Variants in SHANK2 observed in about 807,000 individuals in gnomAD.
The protein encoded by SHANK2 is SH3 and multiple ankyrin repeat domains 2, also known as SH3 and multiple ankyrin repeat domains protein 2.
A neutral mutation model predicts 133.7 loss-of-function variants in SHANK2; 43 were observed. The ratio of observed to expected loss-of-function variants is 0.32; its 90% CI spans 0.25 to 0.41. SHANK2 has a LOEUF of 0.41. Ranked by LOEUF, SHANK2 falls within the 10% of genes least tolerant of loss-of-function variation. SHANK2 has a pLI of 1.00. For synonymous variants in SHANK2, 1,017 were observed against 952.8 expected (o/e 1.07, Z -1.24); for missense variants, 1,994 against 2,235.8 (o/e 0.89, Z 2.18).
At chr11:70,687,543 T>A (rs1413603546) in intron 15 of SHANK2, among the ~76,000 whole-genome samples, 1 of 133,848 alleles carries the variant, frequency 7.5e-6, no homozygotes, top group African/African-American at 2.8e-5. Flanking sequence ...ATGCTACCAA[T>A]CAAGGTGGAT....
chr11:71,125,510 A>T (rs1273257780), intron 3 of SHANK2, among the ~76,000 whole-genome samples: 1 of 152,136 alleles, frequency 6.6e-6, no homozygotes, highest in Non-Finnish European at 1.5e-5. Context: ...CAAGGCCCTG[A>T]CTCTCTTCAA....
At chr11:70,625,695 C>T (rs1346850590) in intron 17 of SHANK2, among the ~76,000 whole-genome samples, 1 of 151,636 alleles carries the variant, frequency 6.6e-6, no homozygotes, top group Non-Finnish European at 1.5e-5. Context: ...CCAGTCCCTG[C>T]ACTCTCCTCT....
At chr11:70,659,697 A>T in intron 17 of SHANK2, 131 bp downstream of exon 17, 2 of 1,134,820 alleles carry the variant, frequency 1.8e-6, no homozygotes, top group Non-Finnish European at 2.6e-6. Context: ...AAACTGACCA[A>T]TGAAAGTTCA....
chr11:70,816,554 G>T (rs1007231594), intron 12 of SHANK2, among the ~76,000 whole-genome samples: 1 of 152,230 alleles, frequency 6.6e-6, no homozygotes, highest in Non-Finnish European at 1.5e-5. Context: ...GCCCGTTAGT[G>T]CCACATGGCC....
At chr11:70,679,308 G>A (rs1253538384) in intron 15 of SHANK2, among the ~76,000 whole-genome samples, 2 of 152,216 alleles carry the variant, frequency 1.3e-5, no homozygotes, top group African/African-American at 2.4e-5. Context: ...CACACAGCTG[G>A]CAAATGGCGG....
At chr11:70,484,086 G>C (rs782723521) in intron 25 of SHANK2, among the ~76,000 whole-genome samples, 4 of 152,238 alleles carry the variant, frequency 2.6e-5, no homozygotes, top group Non-Finnish European at 4.4e-5. Flanking sequence ...GGGAGAGACT[G>C]AAGATGCTGC....
At chr11:71,067,237 G>C (rs1203190571) in intron 9 of SHANK2, among the ~76,000 whole-genome samples, 1 of 152,190 alleles carries the variant, frequency 6.6e-6, no homozygotes, top group Admixed American at 6.5e-5. Flanking sequence ...ACACCAGCAA[G>C]GGCACAGATG....
At chr11:71,072,980 T>G (rs1247293556) in intron 9 of SHANK2, among the ~76,000 whole-genome samples, 1 of 152,002 alleles carries the variant, frequency 6.6e-6, no homozygotes, top group African/African-American at 2.4e-5. Flanking sequence ...GGCAATTGCA[T>G]AGCCATGTAA....
intron 8 of SHANK2, among the ~76,000 whole-genome samples, chr11:71,087,087 G>C (rs1014510232): frequency 0.012 from 1,771 of 152,338 alleles, 43 homozygotes; most frequent in African/African-American, 0.041. Context: ...TACCAGTGCA[G>C]CTGCACAGGC....
intron 17 of SHANK2, among the ~76,000 whole-genome samples, chr11:70,573,062 A>G (rs782508928): frequency 1.3e-4 from 20 of 152,134 alleles, no homozygotes; most frequent in Non-Finnish European, 2.2e-4. Flanking sequence ...TCACTCGGCA[A>G]CGCGAAGGAA....
chr11:70,859,699 G>T (rs1352315412), intron 11 of SHANK2, among the ~76,000 whole-genome samples: 1 of 152,216 alleles, frequency 6.6e-6, no homozygotes, highest in Non-Finnish European at 1.5e-5. Flanking sequence ...ACAGGGTCAA[G>T]TCCCTGCCCT....
At chr11:70,670,303 T>C (rs1254242209) in intron 15 of SHANK2, among the ~76,000 whole-genome samples, 3 of 152,218 alleles carry the variant, frequency 2.0e-5, no homozygotes, top group African/African-American at 7.2e-5. Flanking sequence ...GGAACGGTGA[T>C]GGCAGTGGAT....
At chr11:70,800,867 T>C (rs1555050354) in intron 13 of SHANK2, among the ~76,000 whole-genome samples, 1 of 152,180 alleles carries the variant, frequency 6.6e-6, no homozygotes, top group Non-Finnish European at 1.5e-5. Flanking sequence ...TGCCCACAGA[T>C]ACCCACACTC....
intron 11 of SHANK2, among the ~76,000 whole-genome samples, chr11:70,890,680 T>C (rs1407154120): frequency 6.6e-6 from 1 of 151,396 alleles, no homozygotes; most frequent in Non-Finnish European, 1.5e-5. Flanking sequence ...GTGCCTGTAA[T>C]CCTACCTACT....
At chr11:71,085,935 ATAT>A (rs1951395542) in intron 8 of SHANK2, among the ~76,000 whole-genome samples, 1 of 24,734 alleles carries the variant, frequency 4.0e-5, no homozygotes, top group Non-Finnish European at 5.8e-5. Flanking sequence ...AAATTGTTAT[ATAT>A]TAATATGTTA....
chr11:71,081,892 A>G (rs953041611), intron 8 of SHANK2, among the ~76,000 whole-genome samples: 5 of 152,192 alleles, frequency 3.3e-5, no homozygotes, highest in Non-Finnish European at 7.4e-5. Context: ...GACACGGGGA[A>G]GGGCTCCCGT....
intron 11 of SHANK2, among the ~76,000 whole-genome samples, chr11:70,821,024 A>G (rs1278884986): frequency 1.3e-5 from 2 of 152,190 alleles, no homozygotes; most frequent in African/African-American, 4.8e-5. Flanking sequence ...ACCCCATCAC[A>G]CAAAGCAGAG....
At chr11:71,227,649 A>C (rs1954662970) in intron 1 of SHANK2, among the ~76,000 whole-genome samples, 1 of 152,148 alleles carries the variant, frequency 6.6e-6, no homozygotes, top group Non-Finnish European at 1.5e-5. Context: ...TCCACAATTG[A>C]TAGAATAGGA....
chr11:71,200,010 T>C (rs1555116826), intron 2 of SHANK2, among the ~76,000 whole-genome samples: 1 of 152,210 alleles, frequency 6.6e-6, no homozygotes, highest in Non-Finnish European at 1.5e-5. Context: ...TCACATAACA[T>C]AGAATTTACC....
Sources: gnomAD v4.1 joint callset for allele counts (sites outside exome capture counted in the v4.1 genomes callset) on GRCh38, gnomAD v4.1.1 for gene constraint, MANE v1.5 for transcripts, NCBI Gene and HGNC (gene_info 2026-07-23, HGNC 2026-07-21) for gene names.